NDUFAF1: variants seen among roughly 807,000 people sequenced by gnomAD.
NDUFAF1 encodes NADH:ubiquinone oxidoreductase complex assembly factor 1.
NDUFAF1 carries 18 observed loss-of-function variants against 28.7 expected under a neutral mutation model. That is an observed-to-expected ratio of 0.63 (90% CI 0.43 to 0.93). The LOEUF is 0.93. NDUFAF1 is among the 40% of genes least tolerant of loss of function. The probability of loss-of-function intolerance (pLI) is 0.00; values close to 1 mark genes in which losing one functional copy is unlikely to be tolerated. For missense variants in NDUFAF1, 404 were observed against 398.3 expected (o/e 1.01, Z -0.12); for synonymous variants, 113 against 139.7 (o/e 0.81, Z 1.35).
chr15:41,402,545 C>T (rs3743038), upstream of NDUFAF1: 98,247 of 303,560 alleles, frequency 0.32, 16,763 homozygotes, highest in African/African-American at 0.42. Flanking sequence ...GTCAGAACAC[C>T]AAAGTTCCGG....
At chr15:41,393,438 C>G (rs1288239014) in intron 3 of NDUFAF1, among the ~76,000 whole-genome samples, 1 of 150,530 alleles carries the variant, frequency 6.6e-6, no homozygotes, top group African/African-American at 2.4e-5. Flanking sequence ...CACCTGCCAC[C>G]AAGCCCGGCT....
intron 1 of NDUFAF1, among the ~76,000 whole-genome samples, chr15:41,398,036 A>C (rs1288210145): frequency 2.0e-5 from 3 of 150,634 alleles, no homozygotes; most frequent in Non-Finnish European, 4.4e-5. Flanking sequence ...AAAAAAAAAA[A>C]AAAAAAAACA....
chr15:41,396,755 A>G lies in NDUFAF1; in HGVS notation c.305T>C (p.Val102Ala). The change falls in exon 2 of 5, where the codon GTG becomes GCG. Residue 102 changes from valine to alanine, a missense_variant. Transcript: ENST00000260361. ...YHFRLLKDEI[V>A]DHWRGPEGHP... ...GCCTTCCGGTCCTCTCCAATGATCC[A>G]CAATTTCATCCTTCAAAAGCCTAAA... 5 of 1,614,166 alleles carry G rather than the reference A, an allele frequency of 3.1e-6. No individual in the cohort carries two copies. The highest frequency in any genetic ancestry group is 1.3e-5 in the African/African-American group (1 of 75,048).
chr15:41,396,426 T>C (rs182374543), intron 2 of NDUFAF1, 61 bp downstream of exon 2: 1 of 1,504,338 alleles, frequency 6.6e-7, no homozygotes, highest in Admixed American at 1.7e-5. Flanking sequence ...TTCTATAGTT[T>C]ATGCTACAAT....
chr15:41,395,371 TTTC>T (rs1209432298), intron 2 of NDUFAF1, among the ~76,000 whole-genome samples: 2 of 151,292 alleles, frequency 1.3e-5, no homozygotes, highest in Non-Finnish European at 1.5e-5. Context: ...TTTCTTTTCT[TTTC>T]TTTTTTTTTT....
At chr15:41,400,115 T>C (rs1595411624) in intron 1 of NDUFAF1, among the ~76,000 whole-genome samples, 1 of 150,820 alleles carries the variant, frequency 6.6e-6, no homozygotes, top group Non-Finnish European at 1.5e-5. Context: ...GGCTCACGCC[T>C]GTAATCCCAG....
At chr15:41,396,435 A>G (rs1313346587) in intron 2 of NDUFAF1, 52 bp downstream of exon 2, 3 of 1,538,804 alleles carry the variant, frequency 1.9e-6, no homozygotes, top group East Asian at 4.5e-5. Context: ...TTATGCTACA[A>G]TGAAGTTCAC....
At position 41,399,375 on chromosome 15, in the gene NDUFAF1, G is replaced by A. The variant is rs556946578; in HGVS notation, c.-81-2235C>T. On this transcript the variant is annotated intron_variant, in intron 1 of 4. Coordinates refer to ENST00000260361, the MANE Select transcript of NDUFAF1 (RefSeq NM_016013.4). ...CGTGCCATTGCACTCCAGCCTGGGC[G>A]ACAGAGTGACTCCAACTAAAAAAAA... 6.0e-5 allele frequency among the ~76,000 whole-genome samples: 9 copies of A among 150,092 alleles called. No homozygotes were observed. The East Asian group carries it at 1.2e-3, about 20-fold the overall frequency.
Position 41,396,597 on chromosome 15 carries a change from C to A in NDUFAF1, c.463G>T (p.Gly155Cys). The change falls in exon 2 of 5, where the codon GGC (glycine) becomes TGC (cysteine). Residue 155 changes from glycine to cysteine, a missense_variant. Transcript: ENST00000260361. ...GGRSEVFLKM[G>C]KNNQSALLYG... ...AGCAGTGCACTTTGGTTATTCTTGC[C>A]CATTTTCAAAAACACTTCACTTCTG... The A allele has an allele frequency of 6.2e-7, 1 of 1,614,048 alleles. No individual in the cohort carries two copies. Among genetic ancestry groups the A allele is most frequent in the Non-Finnish European group, 8.5e-7 (1 of 1,180,020 alleles).
At chr15:41,399,619 C>T (rs937027175) in intron 1 of NDUFAF1, among the ~76,000 whole-genome samples, 1 of 151,508 alleles carries the variant, frequency 6.6e-6, no homozygotes, top group African/African-American at 2.4e-5. Context: ...CTTTGGGAGG[C>T]GGAGGCGGGC....
chr15:41,395,611 C>T (rs1397997437), intron 2 of NDUFAF1, among the ~76,000 whole-genome samples: 1 of 150,280 alleles, frequency 6.7e-6, no homozygotes, highest in African/African-American at 2.4e-5. Flanking sequence ...ACCTGGTGAT[C>T]CGCCCACCTT....
In NDUFAF1 at chr15:41,396,503, A is replaced by G. The variant is rs368460397; in HGVS notation, c.557T>C (p.Ile186Thr). ...ESTRSGYCAM[I>T]SRIPRGAFER... Reference sequence around the variant, plus strand: ...CTCACCTACCCTTGGAATCCTGGATATCATTGCACAGTACCCACTTCGGGT... The same window carrying G: ...CTCACCTACCCTTGGAATCCTGGATGTCATTGCACAGTACCCACTTCGGGT... The change falls in exon 2 of 5, where the codon ATA (isoleucine) becomes ACA (threonine). Residue 186 changes from isoleucine (I) to threonine (T), a missense_variant. By Grantham distance (89) the Ile-to-Thr change is moderately conservative. Coordinates refer to ENST00000260361, the MANE Select transcript of NDUFAF1 (RefSeq NM_016013.4). 3.1e-6 allele frequency: 5 copies of G among 1,614,014 alleles called. No homozygotes were observed. The African/African-American group carries it at 4.0e-5, about 13-fold the overall frequency.
At chr15:41,392,664 T>C (rs1179894202) in intron 3 of NDUFAF1, among the ~76,000 whole-genome samples, 1 of 152,192 alleles carries the variant, frequency 6.6e-6, no homozygotes, top group Admixed American at 6.6e-5. Flanking sequence ...GCCATGATTT[T>C]ATAAGTTACC....
intron 3 of NDUFAF1, among the ~76,000 whole-genome samples, chr15:41,393,291 ATTTTTTTTT>A (rs911259285): frequency 1.1e-5 from 1 of 93,660 alleles, no homozygotes; most frequent in African/African-American, 4.6e-5. Context: ...TGCCCGGCTA[ATTTTTTTTT>A]TTTTTTTTTT....
intron 1 of NDUFAF1, among the ~76,000 whole-genome samples, chr15:41,401,000 G>C (rs1781993891): frequency 6.8e-6 from 1 of 147,992 alleles, no homozygotes. Flanking sequence ...ACGGAGTCTT[G>C]CTCTGTCACC....
chr15:41,391,023 T>C (rs1363341427), intron 3 of NDUFAF1, among the ~76,000 whole-genome samples: 1 of 151,952 alleles, frequency 6.6e-6, no homozygotes, highest in Admixed American at 6.6e-5. Context: ...TGCGAGACTC[T>C]GTCTTACAAA....
intron 3 of NDUFAF1, among the ~76,000 whole-genome samples, chr15:41,390,972 T>C (rs1458204057): frequency 6.6e-6 from 1 of 151,852 alleles, no homozygotes; most frequent in Non-Finnish European, 1.5e-5. Context: ...GAGCTTGCAG[T>C]GAGCCGAGAT....
intron 2 of NDUFAF1, 39 bp from the exon 3 acceptor site, chr15:41,395,083 C>G (rs755311864): frequency 3.1e-5 from 49 of 1,584,710 alleles, no homozygotes; most frequent in Non-Finnish European, 3.8e-5. Flanking sequence ...ACCTCATTCT[C>G]CATTATTAGC....
At chr15:41,393,306 T>G (rs2050338484) in intron 3 of NDUFAF1, among the ~76,000 whole-genome samples, 1 of 145,152 alleles carries the variant, frequency 6.9e-6, no homozygotes, top group Admixed American at 6.8e-5. Flanking sequence ...TTTTTTTTTT[T>G]TTTTTTTTTT....
Sources: allele counts gnomAD v4.1 joint callset (sites outside exome capture counted in the v4.1 genomes callset), GRCh38; gene constraint gnomAD v4.1.1; transcripts MANE v1.5; gene names NCBI Gene and HGNC (gene_info 2026-07-23, HGNC 2026-07-21).